The following MEGF11 variants were observed in gnomAD, a reference collection of about 807,000 sequenced individuals.
MEGF11 encodes the protein multiple epidermal growth factor-like domains protein 11.
Under a neutral mutation model 146.6 loss-of-function variants are expected in MEGF11, and 126 were observed. That is an observed-to-expected ratio of 0.86 (90% CI 0.74 to 1.00). MEGF11 has a LOEUF of 1.00. Among genes scored for constraint, MEGF11 ranks in the 50% least tolerant of loss-of-function variants. The probability of loss-of-function intolerance (pLI) is 0.00; values close to 1 mark genes in which losing one functional copy is unlikely to be tolerated. For missense variants in MEGF11, 1,509 were observed against 1,521.2 expected, an observed-to-expected ratio of 0.99 and a Z score of 0.13; for synonymous variants, 532 against 583.4, an observed-to-expected ratio of 0.91 and a Z score of 1.27.
chr15:66,003,806 C>A (rs955781045), intron 5 of MEGF11, among the ~76,000 whole-genome samples: 1 of 152,192 alleles, frequency 6.6e-6, no homozygotes, highest in Non-Finnish European at 1.5e-5. Context: ...CCTCCATTCA[C>A]CCCTTCATGC....
intron 24 of MEGF11, among the ~76,000 whole-genome samples, chr15:65,899,601 G>A (rs2078442856): frequency 6.6e-6 from 1 of 152,180 alleles, no homozygotes; most frequent in South Asian, 2.1e-4. Flanking sequence ...CCTATAAGTG[G>A]CAGACTCTTA....
chr15:66,030,502 C>T (rs189160364), intron 5 of MEGF11, among the ~76,000 whole-genome samples: 7 of 152,288 alleles, frequency 4.6e-5, no homozygotes, highest in East Asian at 1.9e-4. Context: ...CTCCACCTCT[C>T]GAGTTCAAGT....
Position 66,008,936 on chromosome 15 carries a change from T to C in MEGF11, c.395-26448A>G, listed in dbSNP as rs141782751. Among the ~76,000 whole-genome samples the C allele has an allele frequency of 7.0e-3, 1,061 of 152,300 alleles. 3 individuals are homozygous for C. Among genetic ancestry groups the C allele is most frequent in the Non-Finnish European group, 8.9e-3 (605 of 68,018 alleles). On this transcript the variant is annotated intron_variant, in intron 5 of 25. Transcript: ENST00000395614. ...CTCTATCTTACAACAGCTCCTCTTC[T>C]AGGACCCACAAAATAGCAAAACCTA...
chr15:65,918,127 C>G (rs758558087), intron 15 of MEGF11, 33 bp from the exon 16 acceptor site: 1 of 1,611,992 alleles, frequency 6.2e-7, no homozygotes, highest in Non-Finnish European at 8.5e-7. Context: ...CACCCATCCT[C>G]CCACCTGTGT....
chr15:66,074,307 AATATG>A (rs2085489563), intron 5 of MEGF11, among the ~76,000 whole-genome samples: 1 of 152,212 alleles, frequency 6.6e-6, no homozygotes, highest in African/African-American at 2.4e-5. Context: ...TTTTTCACTC[AATATG>A]ATATATTTGA....
At chr15:66,178,185 G>A (rs2090442713) in intron 1 of MEGF11, among the ~76,000 whole-genome samples, 1 of 150,964 alleles carries the variant, frequency 6.6e-6, no homozygotes, top group African/African-American at 2.4e-5. Context: ...GGAATCTCAC[G>A]ATGTTTCCCT....
chr15:65,917,045 A>G, intron 16 of MEGF11, 89 bp from the exon 17 acceptor site: 1 of 1,315,404 alleles, frequency 7.6e-7, no homozygotes. Flanking sequence ...TGTCAGAGCC[A>G]AGATGCCAAG....
At chr15:66,026,549 T>A (rs1263856954) in intron 5 of MEGF11, among the ~76,000 whole-genome samples, 2 of 152,196 alleles carry the variant, frequency 1.3e-5, no homozygotes, top group East Asian at 3.8e-4. Context: ...AGTGGCGCGA[T>A]CTTGGCTCAC....
intron 1 of MEGF11, among the ~76,000 whole-genome samples, chr15:66,237,710 G>A (rs2092125939): frequency 6.6e-6 from 1 of 152,200 alleles, no homozygotes; most frequent in South Asian, 2.1e-4. Flanking sequence ...CGGGCTCAAT[G>A]CTGTCTGGAG....
chr15:66,090,245 G>A (rs1488689207), intron 5 of MEGF11, among the ~76,000 whole-genome samples: 2 of 152,196 alleles, frequency 1.3e-5, no homozygotes, highest in African/African-American at 2.4e-5. Context: ...CAGGGTAGGG[G>A]CAGGGAGTTG....
chr15:65,994,871 T>C (rs1157195589), intron 5 of MEGF11, among the ~76,000 whole-genome samples: 2 of 152,232 alleles, frequency 1.3e-5, no homozygotes, highest in South Asian at 4.1e-4. Flanking sequence ...AGCCAACTGG[T>C]GCTCCTGGTG....
chr15:66,250,289 A>G (rs949561705), intron 1 of MEGF11, among the ~76,000 whole-genome samples: 1 of 152,220 alleles, frequency 6.6e-6, no homozygotes, highest in African/African-American at 2.4e-5. Flanking sequence ...CTCACAGCCA[A>G]CAGCGTCAAA....
chr15:66,230,756 C>G (rs1031018172), intron 1 of MEGF11, among the ~76,000 whole-genome samples: 1 of 152,192 alleles, frequency 6.6e-6, no homozygotes, highest in Non-Finnish European at 1.5e-5. Flanking sequence ...GTTCTCTCTA[C>G]CTGGGGTCTC....
intron 5 of MEGF11, among the ~76,000 whole-genome samples, chr15:66,055,526 G>T (rs533816262): frequency 3.3e-4 from 50 of 152,342 alleles, no homozygotes; most frequent in South Asian, 2.7e-3. Context: ...GTCAGAATCG[G>T]GGGGACAGAA....
At chr15:66,049,245 A>T (rs1367641298) in intron 5 of MEGF11, among the ~76,000 whole-genome samples, 1 of 152,184 alleles carries the variant, frequency 6.6e-6, no homozygotes, top group East Asian at 1.9e-4. Context: ...AGTCCCTATT[A>T]TCTTCCTCAT....
intron 10 of MEGF11, among the ~76,000 whole-genome samples, chr15:65,940,961 A>G (rs2079969482): frequency 6.6e-6 from 1 of 152,258 alleles, no homozygotes; most frequent in South Asian, 2.1e-4. Flanking sequence ...ATTTGTGTAT[A>G]TATTACATCA....
intron 5 of MEGF11, among the ~76,000 whole-genome samples, chr15:66,007,705 T>C (rs1054968457): frequency 6.6e-6 from 1 of 152,166 alleles, no homozygotes; most frequent in Admixed American, 6.5e-5. Context: ...TGAGCTGAGA[T>C]TGTGCCACTG....
chr15:65,913,763 A>G lies in MEGF11; in HGVS notation c.2684T>C (p.Met895Thr), dbSNP rs1271509104. ...PRVSYTPAMRMTSTDYSLSDL... is the reference protein window; with the variant it reads ...PRVSYTPAMRTTSTDYSLSDL... ...TGAGAGGGAGTAGTCGGTGCTGGTC[A>G]TCCTCATGGCAGGTGTGTAGGAGAC... Residue 895 changes from methionine to threonine, a missense_variant, in exon 20 of 26, where the codon ATG (methionine) becomes ACG (threonine). Coordinates refer to ENST00000395614, the MANE Select transcript of MEGF11 (RefSeq NM_001385028.1). 3.7e-6 allele frequency: 6 copies of G among 1,613,286 alleles called. No individual in the cohort carries two copies. The African/African-American group carries it at 8.0e-5, about 22-fold the overall frequency.
chr15:66,021,610 C>T (rs747277490), intron 5 of MEGF11, among the ~76,000 whole-genome samples: 6 of 152,330 alleles, frequency 3.9e-5, no homozygotes, highest in South Asian at 4.2e-4. Context: ...CCCAGGGAGA[C>T]GGAAATTCAG....
Sources: gnomAD v4.1 joint callset for allele counts (sites outside exome capture counted in the v4.1 genomes callset) on GRCh38, gnomAD v4.1.1 for gene constraint, MANE v1.5 for transcripts, NCBI Gene and HGNC (gene_info 2026-07-23, HGNC 2026-07-21) for gene names.